The following ZFAT variants were observed in gnomAD, a reference collection of about 807,000 sequenced individuals.
The protein encoded by ZFAT is zinc finger protein ZFAT.
A neutral mutation model predicts 117.7 loss-of-function variants in ZFAT; 64 were observed. The observed-to-expected ratio is 0.54, with a 90% CI of 0.44 to 0.67. The LOEUF is 0.67. Among genes scored for constraint, ZFAT ranks in the 30% least tolerant of loss-of-function variants. The pLI is 0.00. For missense variants in ZFAT, 1,433 were observed against 1,584.5 expected (o/e 0.90, Z 1.62); for synonymous variants, 679 against 615.0 (o/e 1.10, Z -1.54).
intron 9 of ZFAT, among the ~76,000 whole-genome samples, chr8:134,586,601 C>T (rs1273024301): frequency 6.6e-6 from 1 of 152,216 alleles, no homozygotes; most frequent in Non-Finnish European, 1.5e-5. Context: ...CCTGCTGATT[C>T]CCATGAATGC....
the ZFAT span, chr8:134,804,826 A>C: frequency 1.9e-6 from 1 of 526,432 alleles, no homozygotes; most frequent in Non-Finnish European, 3.9e-6. Flanking sequence ...TAGCCTCCTC[A>C]ACTCCACTCC....
At chr8:134,713,729 A>C (rs1372877527), upstream of ZFAT, among the ~76,000 whole-genome samples, 2 of 151,988 alleles carry the variant, frequency 1.3e-5, no homozygotes, top group Non-Finnish European at 2.9e-5. Context: ...TTTGGTTTTG[A>C]TGTTAAGGTG....
chr8:134,510,606 G>A (rs376832421), intron 14 of ZFAT: 4 of 163,552 alleles, frequency 2.4e-5, no homozygotes, highest in South Asian at 1.7e-4. Flanking sequence ...ATGCATCGCC[G>A]GCACCCCCAA....
chr8:134,779,668 G>T, the ZFAT span, among the ~76,000 whole-genome samples: 1 of 152,098 alleles, frequency 6.6e-6, no homozygotes, highest in Non-Finnish European at 1.5e-5. Context: ...GACAAAAAAT[G>T]TATAAGTATC....
At chr8:134,499,896 CTGGGGACACCAGA>C (rs1466698690) in intron 15 of ZFAT, among the ~76,000 whole-genome samples, 2 of 152,192 alleles carry the variant, frequency 1.3e-5, no homozygotes, top group Non-Finnish European at 2.9e-5. Context: ...CCTCCACCAG[CTGGGGACACCAGA>C]TGGATAGGAG....
intron 13 of ZFAT, among the ~76,000 whole-genome samples, chr8:134,517,300 A>G (rs893053124): frequency 6.6e-6 from 1 of 151,902 alleles, no homozygotes; most frequent in Non-Finnish European, 1.5e-5. Flanking sequence ...AATATTTTAT[A>G]TATAATCAGA....
intron 3 of ZFAT, 96 bp from the exon 4 acceptor site, chr8:134,610,751 C>T: frequency 6.9e-7 from 1 of 1,446,900 alleles, no homozygotes; most frequent in Non-Finnish European, 9.4e-7. Context: ...GTAAAGGAAA[C>T]ACAGCTCTTT....
upstream of ZFAT, chr8:134,713,130 C>G (rs573696609): frequency 1.3e-3 from 482 of 367,210 alleles, 4 homozygotes; most frequent in African/African-American, 9.4e-3. Flanking sequence ...CCGGCAGGGC[C>G]GAGCTAACGC....
the ZFAT span, among the ~76,000 whole-genome samples, chr8:134,760,867 G>A: frequency 3.3e-5 from 5 of 152,208 alleles, no homozygotes; most frequent in Non-Finnish European, 7.3e-5. Context: ...GCTAACTGCT[G>A]TAAATACTAA....
At chr8:134,637,255 T>C (rs1054207512) in intron 3 of ZFAT, among the ~76,000 whole-genome samples, 6 of 152,270 alleles carry the variant, frequency 3.9e-5, no homozygotes, top group Admixed American at 2.0e-4. Flanking sequence ...CTGCATGCCA[T>C]GGGCATCAAC....
chr8:134,787,848 T>A, the ZFAT span, among the ~76,000 whole-genome samples: 1 of 152,164 alleles, frequency 6.6e-6, no homozygotes, highest in African/African-American at 2.4e-5. Flanking sequence ...TGTATTTATT[T>A]TACACTAGTG....
chr8:134,770,691 A>C, the ZFAT span, among the ~76,000 whole-genome samples: 174 of 152,386 alleles, frequency 1.1e-3, no homozygotes, highest in African/African-American at 4.0e-3. Flanking sequence ...GCCAGGTGGA[A>C]CAGAGCCATA....
At chr8:134,807,076 C>T in the ZFAT span, among the ~76,000 whole-genome samples, 1 of 152,192 alleles carries the variant, frequency 6.6e-6, no homozygotes, top group Non-Finnish European at 1.5e-5. Context: ...TACATACAAT[C>T]TGCTGTACAG....
intron 1 of ZFAT, among the ~76,000 whole-genome samples, chr8:134,665,772 A>G (rs1832186186): frequency 6.6e-6 from 1 of 152,078 alleles, no homozygotes; most frequent in Non-Finnish European, 1.5e-5. Context: ...AGGGGGATGA[A>G]TATCACCTTC....
Position 134,712,952 on chromosome 8 carries a change from C to T in ZFAT, c.-89G>A. ...CCGAGGGGGCGGGGCGCCCTGCTGA[C>T]GCTTCGCTTTTTATTTTTATTTTTT... On this transcript the variant is annotated 5_prime_UTR_variant, in exon 1 of 16. Transcript: ENST00000377838. 1 of 1,381,914 alleles carries T rather than the reference C, an allele frequency of 7.2e-7. No homozygotes were observed. Among genetic ancestry groups the T allele is most frequent in the Non-Finnish European group, 9.5e-7 (1 of 1,049,496 alleles). The allele number at this position is 1,381,914 out of a possible 1,614,324, so 85.6% of individuals were successfully genotyped here.
Position 134,565,275 on chromosome 8 carries a change from T to C in ZFAT, c.2976+58A>G. The stretch of plus-strand genomic sequence containing the variant: ...AAAGAATGCTCTCTCCATCTTCACT[T>C]TGAAAAGCAACGCCTTTTTTGTCTG... On this transcript the variant is annotated intron_variant, in intron 11 of 15. Coordinates refer to ENST00000377838, the MANE Select transcript of ZFAT (RefSeq NM_020863.4). 25 of 1,608,692 alleles carry C rather than the reference T, an allele frequency of 1.6e-5. No individual in the cohort carries two copies. In the South Asian group the frequency reaches 2.8e-4, roughly 18 times the overall value.
the ZFAT span, among the ~76,000 whole-genome samples, chr8:134,808,345 C>T: frequency 8.5e-5 from 13 of 152,360 alleles, no homozygotes; most frequent in Admixed American, 4.6e-4. Flanking sequence ...TCCCAGGCTG[C>T]TGACTACCAG....
At chr8:134,712,169 A>G (rs912054674) in intron 1 of ZFAT, among the ~76,000 whole-genome samples, 3 of 152,190 alleles carry the variant, frequency 2.0e-5, no homozygotes, top group Non-Finnish European at 4.4e-5. Flanking sequence ...GAGGAAGTTA[A>G]TTTTTAAAGC....
In ZFAT at chr8:134,584,454, T is replaced by C. The variant is rs77784326; in HGVS notation, c.2714-449A>G. Among the ~76,000 whole-genome samples, 389 of 152,298 alleles carry C rather than the reference T, an allele frequency of 2.6e-3. 1 individual carries two copies. Among genetic ancestry groups the C allele is most frequent in the African/African-American group, 9.0e-3 (375 of 41,548 alleles). On this transcript the variant is annotated intron_variant, in intron 9 of 15. Coordinates refer to ENST00000377838, the MANE Select transcript of ZFAT (RefSeq NM_020863.4). ...CAGAGCAGACAGTCACTAAATTCAATTGAACTGAGTTAGACTAAACACAAA... is the reference window on the plus strand; with the variant it reads ...CAGAGCAGACAGTCACTAAATTCAACTGAACTGAGTTAGACTAAACACAAA...
Sources: gnomAD v4.1 joint callset for allele counts (sites outside exome capture counted in the v4.1 genomes callset) on GRCh38, gnomAD v4.1.1 for gene constraint, MANE v1.5 for transcripts, NCBI Gene and HGNC (gene_info 2026-07-23, HGNC 2026-07-21) for gene names.